Variants in STX12 observed in about 807,000 individuals in gnomAD.
STX12 encodes the protein syntaxin 12, also known as syntaxin-12.
STX12 carries 17 observed loss-of-function variants against 42.2 expected under a neutral mutation model. The ratio of observed to expected loss-of-function variants is 0.40; its 90% CI spans 0.28 to 0.60. The LOEUF (loss-of-function observed/expected upper bound fraction) is 0.60, where lower values mean the gene tolerates loss of function less well. Among genes scored for constraint, STX12 ranks in the 20% least tolerant of loss-of-function variants. The probability of loss-of-function intolerance (pLI) is 0.39; values close to 1 mark genes in which losing one functional copy is unlikely to be tolerated. For missense variants in STX12, 297 were observed against 330.9 expected, an observed-to-expected ratio of 0.90 and a Z score of 0.79; for synonymous variants, 108 against 116.7, an observed-to-expected ratio of 0.93 and a Z score of 0.48.
intron 1 of STX12, among the ~76,000 whole-genome samples, chr1:27,777,812 G>A (rs573720601): frequency 5.3e-4 from 80 of 152,098 alleles, no homozygotes; most frequent in Non-Finnish European, 8.5e-4. Flanking sequence ...GCTTGAATCC[G>A]GGAGGCGGAG....
intron 1 of STX12, among the ~76,000 whole-genome samples, chr1:27,780,389 G>T (rs2088660515): frequency 2.0e-5 from 3 of 151,134 alleles, no homozygotes; most frequent in African/African-American, 7.3e-5. Context: ...TGTATTTTTA[G>T]TAGAGACAGG....
chr1:27,816,965 G>T (rs996054904), intron 6 of STX12, among the ~76,000 whole-genome samples: 2 of 146,546 alleles, frequency 1.4e-5, no homozygotes, highest in Non-Finnish European at 3.0e-5. Context: ...AAAGAAGGAA[G>T]GGAGGGAGGG....
chr1:27,791,548 G>C (rs1224716907), intron 2 of STX12, among the ~76,000 whole-genome samples: 1 of 152,180 alleles, frequency 6.6e-6, no homozygotes, highest in Admixed American at 6.5e-5. Context: ...GGGAGCAGTG[G>C]CTCACGCCTG....
intron 3 of STX12, among the ~76,000 whole-genome samples, chr1:27,795,176 T>C (rs1055227413): frequency 2.0e-5 from 3 of 152,094 alleles, no homozygotes; most frequent in African/African-American, 7.2e-5. Context: ...TGTATTGAGA[T>C]CAGCATTTTA....
intron 8 of STX12, chr1:27,820,400 C>A (rs1345245527): frequency 1.3e-5 from 2 of 152,120 alleles, no homozygotes; most frequent in African/African-American, 4.8e-5. Context: ...ATTGTAGATT[C>A]TGGATGTTAG....
chr1:27,803,209 C>G (rs1429145351), intron 4 of STX12, among the ~76,000 whole-genome samples: 1 of 152,086 alleles, frequency 6.6e-6, no homozygotes, highest in East Asian at 1.9e-4. Context: ...AAACACTAGC[C>G]TGCAGTTTCA....
chr1:27,819,029 A>G (rs1180590099), intron 7 of STX12, among the ~76,000 whole-genome samples: 1 of 152,072 alleles, frequency 6.6e-6, no homozygotes, highest in African/African-American at 2.4e-5. Context: ...TAATCCCAGC[A>G]CTTTGGGAGG....
intron 1 of STX12, 93 bp from the exon 2 acceptor site, chr1:27,789,469 C>A: frequency 1.1e-6 from 1 of 898,300 alleles, no homozygotes. Flanking sequence ...AATACTTATT[C>A]TGAATGGGAA....
At chr1:27,801,385 C>A (rs1388680029) in intron 3 of STX12, among the ~76,000 whole-genome samples, 1 of 147,212 alleles carries the variant, frequency 6.8e-6, no homozygotes, top group African/African-American at 2.5e-5. Context: ...GCCTGGGCGA[C>A]AGAGCAAGAC....
At chr1:27,814,759 A>T (rs546959014) in intron 6 of STX12, among the ~76,000 whole-genome samples, 5 of 151,466 alleles carry the variant, frequency 3.3e-5, no homozygotes, top group Non-Finnish European at 5.9e-5. Context: ...CTGAGGCAGG[A>T]GAAGTGCTTG....
chr1:27,815,450 T>C (rs2088935125), intron 6 of STX12, among the ~76,000 whole-genome samples: 1 of 152,268 alleles, frequency 6.6e-6, no homozygotes, highest in Non-Finnish European at 1.5e-5. Flanking sequence ...TCTGTTCATA[T>C]GACCTCTCCT....
At chr1:27,795,306 CT>C (rs971574690) in intron 3 of STX12, among the ~76,000 whole-genome samples, 155 of 142,302 alleles carry the variant, frequency 1.1e-3, no homozygotes, top group Middle Eastern at 3.5e-3. Context: ...ATGTCAAATT[CT>C]TTTTTTTTTT....
chr1:27,792,173 CATAT>C lies in STX12; in HGVS notation c.189-1355_189-1352del, dbSNP rs1316909527. On this transcript the variant is annotated intron_variant, in intron 2 of 8. Coordinates refer to ENST00000373943, the MANE Select transcript of STX12 (RefSeq NM_177424.3). Reference sequence around the variant, plus strand: ...ATATGTGTATCTATATATGTATATACATATATATGTATCTATATATGTATATACA... The same window carrying C: ...ATATGTGTATCTATATATGTATATACATATGTATCTATATATGTATATACA... 2.0e-4 allele frequency among the ~76,000 whole-genome samples: 22 copies of C among 111,982 alleles called. 3 individuals carry two copies. The highest frequency in any genetic ancestry group is 9.9e-4 in the African/African-American group (20 of 20,142). 73.5% of individuals were successfully genotyped at this position (111,982 alleles called of 152,430 possible).
intron 1 of STX12, among the ~76,000 whole-genome samples, chr1:27,786,621 C>G (rs1306311597): frequency 6.6e-6 from 1 of 152,072 alleles, no homozygotes; most frequent in Non-Finnish European, 1.5e-5. Context: ...TCTTCTAGGA[C>G]ATGGAATAGT....
At chr1:27,816,701 G>A (rs866002269) in intron 6 of STX12, among the ~76,000 whole-genome samples, 2 of 151,478 alleles carry the variant, frequency 1.3e-5, no homozygotes, top group Admixed American at 6.6e-5. Context: ...AGTGGATCAC[G>A]ATGTCAGGAG....
chr1:27,822,242 C>G lies in STX12; in HGVS notation c.744C>G (p.Arg248=), dbSNP rs1264493169. The G allele has an allele frequency of 1.2e-6, 2 of 1,610,158 alleles. No homozygotes were observed. The highest frequency in any genetic ancestry group is 2.2e-5 in the South Asian group (2 of 90,986). Residue 248 remains arginine (R), a synonymous_variant, in exon 9 of 9, where the codon CGC becomes CGG. Coordinates refer to ENST00000373943, the MANE Select transcript of STX12 (RefSeq NM_177424.3). The part of the protein sequence containing the change: ...QRAAYYQKKS[R]KKMCILVLVL... ...ATTTCTTTCCTCAGAAAAAATCTCG[C>G]AAGAAGATGTGTATCCTGGTGCTTG...
chr1:27,807,556 G>A (rs562996824), intron 4 of STX12, among the ~76,000 whole-genome samples: 1 of 152,328 alleles, frequency 6.6e-6, no homozygotes, highest in African/African-American at 2.4e-5. Flanking sequence ...TGTGAACACT[G>A]GGAGTTGTCA....
At position 27,809,460 on chromosome 1, in the gene STX12, CT is replaced by C. The variant is rs561726749; in HGVS notation, c.427-768del. Among the ~76,000 whole-genome samples the C allele has an allele frequency of 4.2e-3, 547 of 129,966 alleles. 2 individuals carry two copies. The highest frequency in any genetic ancestry group is 9.5e-3 in the South Asian group (39 of 4,102). 85.3% of individuals were successfully genotyped at this position (129,966 alleles called of 152,430 possible). ...AACGTTCTCAAAGATCTCATATACT[CT>C]TTTTTTTTTTTTTTTTTGAGATGGA... On this transcript the variant is annotated intron_variant, in intron 4 of 8. Coordinates refer to ENST00000373943, the MANE Select transcript of STX12 (RefSeq NM_177424.3).
At chr1:27,811,709 A>G (rs1375703533) in intron 5 of STX12, among the ~76,000 whole-genome samples, 1 of 151,992 alleles carries the variant, frequency 6.6e-6, no homozygotes, top group African/African-American at 2.4e-5. Context: ...ATTCTGTTGA[A>G]CTAACTGGCA....
Sources: gnomAD v4.1 joint callset for allele counts (sites outside exome capture counted in the v4.1 genomes callset) on GRCh38, gnomAD v4.1.1 for gene constraint, MANE v1.5 for transcripts, NCBI Gene and HGNC (gene_info 2026-07-23, HGNC 2026-07-21) for gene names.